Variants in FAT2 observed in about 807,000 individuals in gnomAD.
The protein encoded by FAT2 is FAT atypical cadherin 2, also known as protocadherin Fat 2.
Under a neutral mutation model 295.3 loss-of-function variants are expected in FAT2, and 150 were observed. That is an observed-to-expected ratio of 0.51 (90% CI 0.44 to 0.58). The LOEUF (loss-of-function observed/expected upper bound fraction) is 0.58, where lower values mean the gene tolerates loss of function less well. Ranked by LOEUF, FAT2 falls within the 20% of genes least tolerant of loss-of-function variation. The pLI is 0.00. For missense variants in FAT2, 4,868 were observed against 5,442.7 expected, an observed-to-expected ratio of 0.89 and a Z score of 3.32; for synonymous variants, 2,026 against 2,150.3, an observed-to-expected ratio of 0.94 and a Z score of 1.60.
rs769860014 is a variant in FAT2 at position 151,543,599 on chromosome 5, T to G, written c.7528A>C (p.Ser2510Arg). 2 of 1,614,240 alleles carry G rather than the reference T, an allele frequency of 1.2e-6. No individual in the cohort carries two copies. Among genetic ancestry groups the G allele is most frequent in the Admixed American group, 3.3e-5 (2 of 60,030 alleles). ...VIDLLAIDKDSGPYGTIDYTI... is the reference protein window; with the variant it reads ...VIDLLAIDKDRGPYGTIDYTI... ...TAATCTATAGTGCCATAGGGACCAC[T>G]ATCTTTGTCTATGGCTAGCAAATCA... is the stretch of plus-strand genomic sequence containing the variant. Residue 2510 changes from serine to arginine, a missense_variant, in exon 10 of 24, where the codon AGT becomes CGT. By Grantham distance (110) the Ser-to-Arg change is moderately radical (BLOSUM62 -1). Coordinates refer to ENST00000261800, the MANE Select transcript of FAT2 (RefSeq NM_001447.3).
In FAT2 at chr5:151,505,855, A is replaced by G. The variant is rs1178571217; in HGVS notation, c.12760T>C (p.Ser4254Pro). ...CGCTCCCGGGGACTAGGGGGCCGAG[A>G]GGGCATCAGATCTTCCAGGTTCTGG... is the stretch of plus-strand genomic sequence containing the variant. ...SNQNLEDLMP[S>P]RPPSPRERLV... The change falls in exon 24 of 24, where the codon TCT becomes CCT. Residue 4254 changes from serine to proline, a missense_variant. Transcript: ENST00000261800. 12 of 1,610,330 alleles carry G rather than the reference A, an allele frequency of 7.5e-6. No individual in the cohort carries two copies. The highest frequency in any genetic ancestry group is 3.4e-6 in the Non-Finnish European group (4 of 1,178,914).
chr5:151,505,560 G>A lies in FAT2; in HGVS notation c.*5C>T, dbSNP rs760546809. ...TCCCGCCTGCCTTGCTCTGGGAATG[G>A]GAAGCTAGAACATGACCTCCTCACA... is the stretch of plus-strand genomic sequence containing the variant. On this transcript the variant is annotated 3_prime_UTR_variant, in exon 24 of 24. Coordinates refer to ENST00000261800, the MANE Select transcript of FAT2 (RefSeq NM_001447.3). The A allele has an allele frequency of 6.8e-6, 11 of 1,614,044 alleles. No individual in the cohort carries two copies. The South Asian group carries it at 1.2e-4, about 18-fold the overall frequency.
At chr5:151,514,643 C>T (rs1427232780) in intron 20 of FAT2, among the ~76,000 whole-genome samples, 1 of 152,214 alleles carries the variant, frequency 6.6e-6, no homozygotes, top group Non-Finnish European at 1.5e-5. Context: ...ATCCGTTCTT[C>T]CAGATGACTG....
intron 20 of FAT2, among the ~76,000 whole-genome samples, chr5:151,514,251 C>G (rs1752606964): frequency 6.6e-6 from 1 of 152,228 alleles, no homozygotes; most frequent in Non-Finnish European, 1.5e-5. Context: ...ATGAATGCAA[C>G]TCAAGTAAAA....
Position 151,566,669 on chromosome 5 carries a change from C to T in FAT2, c.2263G>A (p.Ala755Thr), listed in dbSNP as rs202004831. Residue 755 changes from alanine (A) to threonine (T), a missense_variant, in exon 2 of 24, where the codon GCA becomes ACA. This residue lies in a region of FAT2 where 3,297 missense variants were observed against 3,669.4 expected (regional missense o/e 0.90). Transcript: ENST00000261800. The part of the protein sequence containing the change: ...GFNGKLVYVI[A>T]DGNEEGCFDI... Reference sequence around the variant, plus strand: ...AAGCAGCCCTCCTCATTGCCATCTGCAATCACATAGACCAGTTTGCCATTA... The same window carrying T: ...AAGCAGCCCTCCTCATTGCCATCTGTAATCACATAGACCAGTTTGCCATTA... The T allele has an allele frequency of 6.2e-7, 1 of 1,614,154 alleles. No individual in the cohort carries two copies. Among genetic ancestry groups the T allele is most frequent in the Non-Finnish European group, 8.5e-7 (1 of 1,180,036 alleles).
intron 9 of FAT2, 128 bp downstream of exon 9, chr5:151,549,167 A>G (rs1463425666): frequency 2.5e-5 from 20 of 807,836 alleles, no homozygotes; most frequent in Non-Finnish European, 3.7e-5. Context: ...GGAATGCTCT[A>G]GAATTATTGT....
chr5:151,514,080 T>C (rs1752589817), intron 20 of FAT2, among the ~76,000 whole-genome samples: 1 of 152,242 alleles, frequency 6.6e-6, no homozygotes, highest in Admixed American at 6.5e-5. Flanking sequence ...TTTGAAGATC[T>C]AACCCAGTGT....
rs1311013539 is a variant in FAT2 at position 151,504,445 on chromosome 5, C to T, written c.*1120G>A. 1 of 152,690 alleles carries T rather than the reference C, an allele frequency of 6.5e-6. No individual in the cohort carries two copies. Among genetic ancestry groups the T allele is most frequent in the East Asian group, 1.9e-4 (1 of 5,184 alleles). 9.5% of individuals were successfully genotyped at this position (152,690 alleles called of 1,614,324 possible). A position where few individuals can be genotyped will look rare whatever the true frequency, so the allele number is the denominator to read the frequency against. On this transcript the variant is annotated 3_prime_UTR_variant, in exon 24 of 24. Transcript: ENST00000261800. ...CACACGTACTATCCATGGGCACCCA[C>T]ATGTGTAGACATGTGCCCACATTGA...
intron 1 of FAT2, among the ~76,000 whole-genome samples, chr5:151,583,415 A>G (rs1442650199): frequency 2.0e-5 from 3 of 152,230 alleles, no homozygotes; most frequent in Non-Finnish European, 4.4e-5. Flanking sequence ...TCCTATTCAC[A>G]TAATACGGGG....
chr5:151,537,451 AGGGG>A, intron 12 of FAT2, among the ~76,000 whole-genome samples: 1 of 146,436 alleles, frequency 6.8e-6, no homozygotes, highest in Non-Finnish European at 1.5e-5. Context: ...AGGGGAGGGG[AGGGG>A]AGGGAAGGAA....
Position 151,544,653 on chromosome 5 carries a change from C to G in FAT2, c.6474G>C (p.Glu2158Asp). 6.2e-7 allele frequency: 1 copy of G among 1,614,170 alleles called. No individual in the cohort carries two copies. Among genetic ancestry groups the G allele is most frequent in the Non-Finnish European group, 8.5e-7 (1 of 1,180,024 alleles). ...ATTTATTTCTCACAGTGACAAGTAC[C>G]TCTTCCTCACTCTGGAGGGATGGCG... ...GGTPSLQSEE[E>D]VLVTVRNKSN... Residue 2158 changes from glutamate to aspartate, a missense_variant, in exon 10 of 24, where the codon GAG becomes GAC. This residue lies in a region of FAT2 where 3,297 missense variants were observed against 3,669.4 expected (regional missense o/e 0.90). Coordinates refer to ENST00000261800, the MANE Select transcript of FAT2 (RefSeq NM_001447.3).
At chr5:151,511,489 G>T (rs77530298) in intron 21 of FAT2, 1,611 of 152,432 alleles carry the variant, frequency 0.011, 11 homozygotes, top group Non-Finnish European at 0.017. Context: ...GTGTGTGTGT[G>T]TGAAGGAAAC....
intron 13 of FAT2, 73 bp from the exon 14 acceptor site, chr5:151,532,043 G>A (rs1296013428): frequency 2.6e-6 from 4 of 1,561,972 alleles, no homozygotes; most frequent in African/African-American, 2.7e-5. Flanking sequence ...AAACCCTGCA[G>A]CCACAGGAGG....
rs140860079 is a variant in FAT2 at position 151,580,797 on chromosome 5, A to G, written c.-21+10368T>C. 1.3e-5 allele frequency among the ~76,000 whole-genome samples: 2 copies of G among 152,200 alleles called. 1 individual carries two copies. ...ACACCAGGTAGAAAATGTCCTGCAC[A>G]TTCTATAAAAACATACATCTCCCGA... On this transcript the variant is annotated intron_variant, in intron 1 of 23. Transcript: ENST00000261800.
rs201804836 is a variant in FAT2 at position 151,507,548 on chromosome 5, C to G, written c.12123G>C (p.Arg4041Ser). The change falls in exon 23 of 24, where the codon AGG becomes AGC. Residue 4041 changes from arginine (R) to serine (S), a missense_variant. This residue lies in a region of FAT2 where 492 missense variants were observed against 482.6 expected (regional missense o/e 1.02). Transcript: ENST00000261800. Reference sequence around the variant, plus strand: ...GTAACTCCTGCTGCCCCCAGTCCCCCCTTTGGATCTCGGGAGTGACTAGGC... The same window carrying G: ...GTAACTCCTGCTGCCCCCAGTCCCCGCTTTGGATCTCGGGAGTGACTAGGC... ...GHCLVTPEIQ[R>S]GDWGQQELLI... The G allele has an allele frequency of 2.7e-4, 436 of 1,614,098 alleles. No individual in the cohort carries two copies. Among genetic ancestry groups the G allele is most frequent in the Non-Finnish European group, 3.3e-4 (395 of 1,180,026 alleles).
At chr5:151,536,219 CA>C (rs1175262485) in intron 12 of FAT2, among the ~76,000 whole-genome samples, 1 of 102,774 alleles carries the variant, frequency 9.7e-6, no homozygotes, top group Non-Finnish European at 2.0e-5. Flanking sequence ...TTTCCATATT[CA>C]GAAAAAAAAA....
At chr5:151,535,175 T>C (rs1755132527) in intron 12 of FAT2, among the ~76,000 whole-genome samples, 1 of 151,776 alleles carries the variant, frequency 6.6e-6, no homozygotes, top group Non-Finnish European at 1.5e-5. Flanking sequence ...GTGTTATAAG[T>C]GTATCTTGGT....
rs1756040476 is a variant in FAT2, at chr5:151,540,692, G to A, written c.8914C>T (p.Leu2972=). 6.2e-7 allele frequency: 1 copy of A among 1,614,218 alleles called. No homozygotes were observed. The highest frequency in any genetic ancestry group is 2.2e-5 in the East Asian group (1 of 44,892). The change falls in exon 11 of 24, where the codon CTG becomes TTG. Residue 2972 remains leucine (L), a synonymous_variant. Coordinates refer to ENST00000261800, the MANE Select transcript of FAT2 (RefSeq NM_001447.3). ...DEWRISSRKT[L]DREHTAKYLL... ...TACTTGGCTGTATGCTCGCGGTCCAGGGTCTTCCTTGAGGAAATCCTCCAC... is the reference window on the plus strand; with the variant it reads ...TACTTGGCTGTATGCTCGCGGTCCAAGGTCTTCCTTGAGGAAATCCTCCAC...
chr5:151,510,344 A>G, intron 21 of FAT2, 170 bp from the exon 22 acceptor site: 5 of 680,130 alleles, frequency 7.4e-6, no homozygotes, highest in Non-Finnish European at 1.2e-5. Flanking sequence ...CTGAACCAAG[A>G]GCACTTTGGT....
Sources: allele counts gnomAD v4.1 joint callset (sites outside exome capture counted in the v4.1 genomes callset), GRCh38; gene constraint gnomAD v4.1.1; regional missense constraint gnomAD v4.1.1; transcripts MANE v1.5; gene names NCBI Gene and HGNC (gene_info 2026-07-23, HGNC 2026-07-21).